Variants in ST3GAL6 observed in about 807,000 individuals in gnomAD.
The protein encoded by ST3GAL6 is ST3 beta-galactoside alpha-2,3-sialyltransferase 6.
A neutral mutation model predicts 40.5 loss-of-function variants in ST3GAL6; 31 were observed. The observed-to-expected ratio is 0.77, with a 90% confidence interval of 0.58 to 1.03. ST3GAL6 has a LOEUF of 1.03. Among genes scored for constraint, ST3GAL6 ranks in the 50% least tolerant of loss-of-function variants. The probability of loss-of-function intolerance (pLI) is 0.00; values close to 1 mark genes in which losing one functional copy is unlikely to be tolerated. For missense variants in ST3GAL6, 357 were observed against 393.2 expected (o/e 0.91, Z 0.78); for synonymous variants, 129 against 136.9 (o/e 0.94, Z 0.40).
chr3:98,768,198 G>A (rs532483764), intron 1 of ST3GAL6, among the ~76,000 whole-genome samples: 2 of 152,288 alleles, frequency 1.3e-5, no homozygotes, highest in East Asian at 3.9e-4. Flanking sequence ...CCGTGGAACT[G>A]TTTATTGGCC....
chr3:98,744,721 A>C (rs988492733), intron 1 of ST3GAL6, among the ~76,000 whole-genome samples: 1 of 151,670 alleles, frequency 6.6e-6, no homozygotes, highest in Non-Finnish European at 1.5e-5. Flanking sequence ...AGTTTTTCCC[A>C]GTTCCTTTGG....
At chr3:98,757,554 C>A (rs187956488) in intron 1 of ST3GAL6, among the ~76,000 whole-genome samples, 29 of 152,238 alleles carry the variant, frequency 1.9e-4, no homozygotes, top group African/African-American at 6.0e-4. Flanking sequence ...TCTTGTCAAT[C>A]TTTACCATTT....
chr3:98,753,790 C>T (rs1261796096), intron 1 of ST3GAL6, among the ~76,000 whole-genome samples: 1 of 152,164 alleles, frequency 6.6e-6, no homozygotes, highest in Non-Finnish European at 1.5e-5. Context: ...ATAGGGAGAA[C>T]CCATCTATTA....
chr3:98,753,554 G>GGCTTCAAA (rs1371882683), intron 1 of ST3GAL6, among the ~76,000 whole-genome samples: 1 of 152,214 alleles, frequency 6.6e-6, no homozygotes, highest in African/African-American at 2.4e-5. Flanking sequence ...GTCAATGCCT[G>GGCTTCAAA]GCTTCAAAGC....
At chr3:98,757,730 G>A (rs553339611) in intron 1 of ST3GAL6, among the ~76,000 whole-genome samples, 9 of 152,248 alleles carry the variant, frequency 5.9e-5, no homozygotes, top group African/African-American at 1.7e-4. Flanking sequence ...TAGGGATGAC[G>A]ATAAAGCCTT....
chr3:98,750,388 T>G (rs1035838286), intron 1 of ST3GAL6, among the ~76,000 whole-genome samples: 14 of 152,200 alleles, frequency 9.2e-5, no homozygotes, highest in African/African-American at 3.1e-4. Context: ...TTAACCTATT[T>G]ATTAATCATC....
At chr3:98,763,203 G>T, upstream of ST3GAL6, 1 of 1,206,214 alleles carries the variant, frequency 8.3e-7, no homozygotes, top group Non-Finnish European at 1.1e-6. Context: ...GCTAGAGTTG[G>T]AGGTTCTGTT....
intron 1 of ST3GAL6, among the ~76,000 whole-genome samples, chr3:98,735,606 A>G (rs1211844429): frequency 1.3e-5 from 2 of 152,152 alleles, no homozygotes; most frequent in Non-Finnish European, 2.9e-5. Flanking sequence ...CTCAAGCTAT[A>G]TGTTACCTGG....
chr3:98,778,562 C>T (rs1216480408), intron 5 of ST3GAL6, among the ~76,000 whole-genome samples: 1 of 152,216 alleles, frequency 6.6e-6, no homozygotes, highest in East Asian at 1.9e-4. Context: ...CAGCCCCTGC[C>T]TGCTTTCTAG....
At chr3:98,743,446 A>C (rs888750228) in intron 1 of ST3GAL6, among the ~76,000 whole-genome samples, 1 of 151,978 alleles carries the variant, frequency 6.6e-6, no homozygotes, top group African/African-American at 2.4e-5. Flanking sequence ...TGAGCTGCCA[A>C]CTCCTGGCTG....
chr3:98,748,520 C>T (rs1323893271), intron 1 of ST3GAL6, among the ~76,000 whole-genome samples: 1 of 152,166 alleles, frequency 6.6e-6, no homozygotes, highest in African/African-American at 2.4e-5. Flanking sequence ...CGCTGGAGTG[C>T]AGTGGTGAGA....
At chr3:98,776,695 C>T (rs750742912) in intron 5 of ST3GAL6, among the ~76,000 whole-genome samples, 1 of 152,176 alleles carries the variant, frequency 6.6e-6, no homozygotes, top group African/African-American at 2.4e-5. Flanking sequence ...AGAAGGTGCT[C>T]GACGTAGTTT....
At chr3:98,768,730 C>G (rs554916984) in intron 2 of ST3GAL6, among the ~76,000 whole-genome samples, 1 of 152,138 alleles carries the variant, frequency 6.6e-6, no homozygotes, top group Non-Finnish European at 1.5e-5. Context: ...GCAACACCTA[C>G]TTTCTATTGA....
rs543823007 is a variant in ST3GAL6, at chr3:98,739,392, A to C, written c.-12+6860A>C. Among the ~76,000 whole-genome samples the C allele has an allele frequency of 1.2e-3, 171 of 146,872 alleles. 1 individual carries two copies. The highest frequency in any genetic ancestry group is 3.6e-3 in the Admixed American group (53 of 14,658). On this transcript the variant is annotated intron_variant, in intron 1 of 9. Transcript: ENST00000265261. The stretch of plus-strand genomic sequence containing the variant: ...TTGAGACAGAAAACAAACAAACAAA[A>C]AAAAAACCCCAAAAAAACCCATGCA...
intron 1 of ST3GAL6, chr3:98,733,347 C>A: frequency 2.7e-6 from 3 of 1,101,674 alleles, no homozygotes; most frequent in Non-Finnish European, 3.3e-6. Context: ...CCGAGAGAAT[C>A]TGCTCTGGGA....
intron 1 of ST3GAL6, among the ~76,000 whole-genome samples, chr3:98,764,936 C>G (rs1030317693): frequency 6.6e-6 from 1 of 152,196 alleles, no homozygotes; most frequent in Admixed American, 6.5e-5. Flanking sequence ...GTTATGGGAT[C>G]TGTATCTGTT....
chr3:98,733,104 T>G, intron 1 of ST3GAL6: 1 of 1,343,870 alleles, frequency 7.4e-7, no homozygotes, highest in South Asian at 1.8e-5. Flanking sequence ...CTTTGCAGCC[T>G]CTGAGGCTCA....
chr3:98,781,066 T>C (rs1022565438), intron 5 of ST3GAL6, among the ~76,000 whole-genome samples: 1 of 152,182 alleles, frequency 6.6e-6, no homozygotes, highest in African/African-American at 2.4e-5. Flanking sequence ...TAGCAAAGAC[T>C]TGGAACCAAC....
At chr3:98,783,403 C>T (rs577120907) in intron 5 of ST3GAL6, 31 of 256,558 alleles carry the variant, frequency 1.2e-4, no homozygotes, top group African/African-American at 7.1e-4. Context: ...CCCACTTTTA[C>T]AATGAATGGC....
Sources: allele counts gnomAD v4.1 joint callset (sites outside exome capture counted in the v4.1 genomes callset), GRCh38; gene constraint gnomAD v4.1.1; transcripts MANE v1.5; gene names NCBI Gene and HGNC (gene_info 2026-07-23, HGNC 2026-07-21).